FRMD3: variants seen among roughly 807,000 people sequenced by gnomAD.
The protein encoded by FRMD3 is FERM domain containing 3, also known as FERM domain-containing protein 3.
In FRMD3, 33 loss-of-function variants were observed where a neutral mutation model predicts 70.2. The ratio of observed to expected loss-of-function variants is 0.47; its 90% confidence interval spans 0.36 to 0.63. FRMD3 has a LOEUF of 0.63. FRMD3 is among the 20% of genes least tolerant of loss of function. The pLI is 0.00. For synonymous variants in FRMD3, 279 were observed against 255.9 expected, an observed-to-expected ratio of 1.09 and a Z score of -0.86; for missense variants, 632 against 711.4, an observed-to-expected ratio of 0.89 and a Z score of 1.27.
At chr9:83,442,647 G>A (rs867633497) in intron 1 of FRMD3, among the ~76,000 whole-genome samples, 1 of 151,878 alleles carries the variant, frequency 6.6e-6, no homozygotes. Context: ...CTCAGTGGAG[G>A]GGGGGTACAT....
chr9:83,526,203 G>A (rs1274309097), intron 1 of FRMD3, among the ~76,000 whole-genome samples: 18 of 152,262 alleles, frequency 1.2e-4, no homozygotes, highest in African/African-American at 1.7e-4. Flanking sequence ...TTAGGGACCC[G>A]TGCCTAAAAG....
intron 1 of FRMD3, among the ~76,000 whole-genome samples, chr9:83,509,971 G>A (rs1829300929): frequency 1.3e-5 from 2 of 152,130 alleles, no homozygotes; most frequent in African/African-American, 4.8e-5. Flanking sequence ...GATGACATCT[G>A]TAACTGACTT....
chr9:83,346,381 G>A (rs891947750), intron 4 of FRMD3, among the ~76,000 whole-genome samples: 3 of 151,814 alleles, frequency 2.0e-5, no homozygotes, highest in African/African-American at 7.3e-5. Context: ...ATGAAAAGCT[G>A]AAGATGCTAC....
the FRMD3 span, among the ~76,000 whole-genome samples, chr9:83,554,866 G>A: frequency 6.6e-6 from 1 of 152,008 alleles, no homozygotes; most frequent in East Asian, 1.9e-4. Flanking sequence ...TCACTTTTCT[G>A]TGGAGCTACT....
At position 83,495,251 on chromosome 9, in the gene FRMD3, G is replaced by A. The variant is rs569936639; in HGVS notation, c.147+42834C>T. On this transcript the variant is annotated intron_variant, in intron 1 of 13. Coordinates refer to ENST00000304195, the MANE Select transcript of FRMD3 (RefSeq NM_174938.6). ...GCAATGGGGAGGGTCCTGGAAGCAA[G>A]AAGAGGACAAGTTTCCAGGAGGAGC... Among the ~76,000 whole-genome samples the A allele has an allele frequency of 2.0e-5, 3 of 152,304 alleles. No individual in the cohort carries two copies. The East Asian group carries it at 5.8e-4, about 29-fold the overall frequency.
chr9:83,351,748 T>A (rs1001814159), intron 3 of FRMD3, among the ~76,000 whole-genome samples: 17 of 148,968 alleles, frequency 1.1e-4, no homozygotes, highest in African/African-American at 4.3e-4. Context: ...CCATCCTGCT[T>A]CATTATTCAC....
chr9:83,484,375 G>A (rs1006482318), intron 1 of FRMD3, among the ~76,000 whole-genome samples: 3 of 152,198 alleles, frequency 2.0e-5, no homozygotes. Flanking sequence ...GACAGATTGT[G>A]AGTCCTACAT....
At chr9:83,576,049 A>T in the FRMD3 span, among the ~76,000 whole-genome samples, 2 of 152,250 alleles carry the variant, frequency 1.3e-5, no homozygotes, top group Non-Finnish European at 1.5e-5. Context: ...CTCTACAAAA[A>T]AAAAATAAAA....
the FRMD3 span, among the ~76,000 whole-genome samples, chr9:83,555,770 A>T: frequency 2.6e-5 from 4 of 152,328 alleles, no homozygotes; most frequent in East Asian, 1.9e-4. Flanking sequence ...GTCTCCAGGC[A>T]TGCTTGAGCA....
the FRMD3 span, among the ~76,000 whole-genome samples, chr9:83,571,642 T>C: frequency 6.6e-6 from 1 of 152,214 alleles, no homozygotes; most frequent in East Asian, 1.9e-4. Context: ...AGAAATTATA[T>C]ATTCAGCTAA....
At chr9:83,567,621 A>G in the FRMD3 span, among the ~76,000 whole-genome samples, 1 of 152,236 alleles carries the variant, frequency 6.6e-6, no homozygotes, top group Middle Eastern at 3.4e-3. Flanking sequence ...TTGCTTAGAA[A>G]TTTCTTCTGC....
chr9:83,498,202 C>T (rs371142602), intron 1 of FRMD3, among the ~76,000 whole-genome samples: 2 of 152,250 alleles, frequency 1.3e-5, no homozygotes, highest in East Asian at 1.9e-4. Flanking sequence ...CACAGCATAA[C>T]CTAAGCAATC....
chr9:83,299,947 T>TG, intron 10 of FRMD3, among the ~76,000 whole-genome samples: 1 of 152,378 alleles, frequency 6.6e-6, no homozygotes, highest in East Asian at 1.9e-4. Flanking sequence ...CAGCTGAGGA[T>TG]GGCTCTACAG....
rs1327259955 is a variant in FRMD3, at chr9:83,537,996, T to G, written c.147+89A>C. 1 of 1,438,652 alleles carries G rather than the reference T, an allele frequency of 7.0e-7. No homozygotes were observed. The highest frequency in any genetic ancestry group is 1.4e-5 in the African/African-American group (1 of 71,076). 89.1% of individuals were successfully genotyped at this position (1,438,652 alleles called of 1,614,324 possible). On this transcript the variant is annotated intron_variant, in intron 1 of 13. Transcript: ENST00000304195. This position sits in a 1 kb window ranked among gnomAD's most constrained non-coding sequence, Gnocchi z 4.1. ...GCAGTCCCCCAATCCCCTCCGGGAGTGGGTTCCTTGTTCTCGCATGCCCAC... is the reference window on the plus strand; with the variant it reads ...GCAGTCCCCCAATCCCCTCCGGGAGGGGGTTCCTTGTTCTCGCATGCCCAC...
At chr9:83,581,371 A>C in the FRMD3 span, among the ~76,000 whole-genome samples, 1 of 152,218 alleles carries the variant, frequency 6.6e-6, no homozygotes, top group Non-Finnish European at 1.5e-5. Context: ...AGAGATGCTC[A>C]ACTTCCGTAA....
intron 1 of FRMD3, among the ~76,000 whole-genome samples, chr9:83,458,999 T>G (rs914932781): frequency 6.6e-6 from 1 of 152,232 alleles, no homozygotes; most frequent in African/African-American, 2.4e-5. Flanking sequence ...TTCTGCCACC[T>G]GTTCATCAAG....
At chr9:83,445,511 G>A (rs1827436119) in intron 1 of FRMD3, among the ~76,000 whole-genome samples, 1 of 152,158 alleles carries the variant, frequency 6.6e-6, no homozygotes, top group African/African-American at 2.4e-5. Flanking sequence ...CTGCATGACA[G>A]CTCACATTTT....
chr9:83,511,590 C>G (rs1471789829), intron 1 of FRMD3, among the ~76,000 whole-genome samples: 1 of 152,216 alleles, frequency 6.6e-6, no homozygotes, highest in Non-Finnish European at 1.5e-5. Context: ...GGTGAAGTAT[C>G]TGGCTGATGG....
At chr9:83,280,593 C>A (rs1224270474) in intron 13 of FRMD3, among the ~76,000 whole-genome samples, 1 of 152,176 alleles carries the variant, frequency 6.6e-6, no homozygotes, top group African/African-American at 2.4e-5. Context: ...CATATCACCC[C>A]CGCCCCTTTT....
Sources: gnomAD v4.1 joint callset for allele counts (sites outside exome capture counted in the v4.1 genomes callset) on GRCh38, gnomAD v4.1.1 for gene constraint, Gnocchi (gnomAD v3.1) non-coding constraint, MANE v1.5 for transcripts, NCBI Gene and HGNC (gene_info 2026-07-23, HGNC 2026-07-21) for gene names.